ERBB4: variants seen among roughly 807,000 people sequenced by gnomAD.
ERBB4 encodes the protein receptor tyrosine-protein kinase erbB-4.
ERBB4 carries 42 observed loss-of-function variants against 158.0 expected under a neutral mutation model. That is an observed-to-expected ratio of 0.27 (90% CI 0.21 to 0.34). ERBB4 has a LOEUF of 0.34. Among genes scored for constraint, ERBB4 ranks in the 10% least tolerant of loss-of-function variants. ERBB4 has a pLI of 1.00. For synonymous variants in ERBB4, 583 were observed against 558.7 expected (o/e 1.04, Z -0.61); for missense variants, 1,333 against 1,624.1 (o/e 0.82, Z 3.08).
At chr2:212,148,853 A>G (rs1018317368) in intron 1 of ERBB4, among the ~76,000 whole-genome samples, 5 of 145,788 alleles carry the variant, frequency 3.4e-5, no homozygotes, top group African/African-American at 1.0e-4. Context: ...TGATGAGTTC[A>G]TGTCCTTTGT....
intron 2 of ERBB4, among the ~76,000 whole-genome samples, chr2:212,056,189 T>C (rs1188536138): frequency 6.6e-6 from 1 of 152,066 alleles, no homozygotes; most frequent in Non-Finnish European, 1.5e-5. Context: ...TGATTGAAGA[T>C]CAAATTAATG....
At chr2:211,438,129 C>G (rs897542960) in intron 20 of ERBB4, among the ~76,000 whole-genome samples, 1 of 152,168 alleles carries the variant, frequency 6.6e-6, no homozygotes, top group African/African-American at 2.4e-5. Flanking sequence ...ATATTGTTAA[C>G]TAGGTTTATG....
rs77629865 is a variant in ERBB4, at chr2:211,386,425, T to C, written c.3481+428A>G. Among the ~76,000 whole-genome samples, 1,266 of 152,330 alleles carry C rather than the reference T, an allele frequency of 8.3e-3. 17 individuals carry two copies. The highest frequency in any genetic ancestry group is 0.029 in the African/African-American group (1,209 of 41,580). On this transcript the variant is annotated intron_variant, in intron 27 of 27. Coordinates refer to ENST00000342788, the MANE Select transcript of ERBB4 (RefSeq NM_005235.3). ...TAAATGAGTCAAACAAATCTTTTAT[T>C]AGTGCCATCAAAAGCATCAGGCACT...
chr2:212,426,630 T>C (rs10202760), intron 1 of ERBB4, among the ~76,000 whole-genome samples: 18,159 of 152,070 alleles, frequency 0.12, 1,181 homozygotes, highest in African/African-American at 0.18. Flanking sequence ...CACTGATCTA[T>C]AAGGCATATA....
intron 4 of ERBB4, among the ~76,000 whole-genome samples, chr2:211,757,606 C>T (rs746141427): frequency 6.6e-5 from 10 of 152,142 alleles, no homozygotes; most frequent in East Asian, 1.9e-4. Flanking sequence ...GTGTCTGCAG[C>T]GCTTCCATCT....
chr2:211,580,018 T>TG (rs2068019320), intron 19 of ERBB4, among the ~76,000 whole-genome samples: 2 of 152,118 alleles, frequency 1.3e-5, no homozygotes, highest in Admixed American at 1.3e-4. Flanking sequence ...AATATCAAAC[T>TG]GGGGGACTAA....
chr2:211,529,395 C>T (rs946348957), intron 20 of ERBB4, among the ~76,000 whole-genome samples: 4 of 152,108 alleles, frequency 2.6e-5, no homozygotes, highest in Admixed American at 6.5e-5. Flanking sequence ...CAGGATCTGA[C>T]GGCTTCACTG....
chr2:211,407,468 T>C (rs767744376), intron 25 of ERBB4, among the ~76,000 whole-genome samples: 2 of 152,212 alleles, frequency 1.3e-5, no homozygotes, highest in Non-Finnish European at 2.9e-5. Flanking sequence ...TGAATGTTGC[T>C]AAACAATTGT....
intron 1 of ERBB4, among the ~76,000 whole-genome samples, chr2:212,297,852 A>T (rs1025875244): frequency 3.3e-5 from 5 of 151,770 alleles, no homozygotes; most frequent in Admixed American, 3.3e-4. Context: ...TTTTGACCAA[A>T]CTTCCTCAAA....
intron 20 of ERBB4, among the ~76,000 whole-genome samples, chr2:211,455,006 C>A (rs926347633): frequency 2.6e-5 from 4 of 152,218 alleles, no homozygotes; most frequent in African/African-American, 4.8e-5. Context: ...ATGAACCATT[C>A]TTTTGCTGAA....
At chr2:211,504,404 A>T (rs138839062) in intron 20 of ERBB4, among the ~76,000 whole-genome samples, 4 of 152,082 alleles carry the variant, frequency 2.6e-5, no homozygotes, top group Admixed American at 2.0e-4. Flanking sequence ...AAGCCAAAAG[A>T]CCCTACCCAA....
chr2:211,929,761 C>T (rs1032477269), intron 3 of ERBB4, among the ~76,000 whole-genome samples: 1 of 152,134 alleles, frequency 6.6e-6, no homozygotes, highest in Non-Finnish European at 1.5e-5. Flanking sequence ...ACACAATGTG[C>T]ATGGCTATGC....
intron 4 of ERBB4, chr2:211,778,623 C>A (rs538782282): frequency 2.0e-5 from 3 of 152,224 alleles, no homozygotes; most frequent in East Asian, 1.9e-4. Flanking sequence ...TAGTGGAAGC[C>A]GGCGCTGGAA....
At chr2:212,151,753 G>T (rs1004567711) in intron 1 of ERBB4, among the ~76,000 whole-genome samples, 1 of 152,076 alleles carries the variant, frequency 6.6e-6, no homozygotes, top group Non-Finnish European at 1.5e-5. Flanking sequence ...GCTGGGCATG[G>T]TGGCACATGC....
chr2:212,498,354 C>T (rs1296002461), intron 1 of ERBB4, among the ~76,000 whole-genome samples: 1 of 152,096 alleles, frequency 6.6e-6, no homozygotes, highest in Non-Finnish European at 1.5e-5. Context: ...CCCAACTTGA[C>T]TAATTTACCA....
intron 1 of ERBB4, among the ~76,000 whole-genome samples, chr2:212,308,519 A>G (rs2086899617): frequency 6.6e-6 from 1 of 151,056 alleles, no homozygotes; most frequent in East Asian, 1.9e-4. Flanking sequence ...TTAAAAGACC[A>G]GAATTTATTT....
chr2:211,807,226 G>C (rs2076639566), intron 3 of ERBB4, among the ~76,000 whole-genome samples: 1 of 151,990 alleles, frequency 6.6e-6, no homozygotes, highest in Non-Finnish European at 1.5e-5. Context: ...CATGTACCAT[G>C]TTGGTTTGCT....
Position 212,187,930 on chromosome 2 carries a change from G to T in ERBB4, c.83-63027C>A, listed in dbSNP as rs369753972. Among the ~76,000 whole-genome samples, 38 of 152,202 alleles carry T rather than the reference G, an allele frequency of 2.5e-4. No individual in the cohort carries two copies. In the South Asian group the frequency reaches 7.5e-3, roughly 30 times the overall value. On this transcript the variant is annotated intron_variant, in intron 1 of 27. Coordinates refer to ENST00000342788, the MANE Select transcript of ERBB4 (RefSeq NM_005235.3). ...CCACTCATTAAAGCCCAATTTTAAT[G>T]CGTTGACAGCTAACCTCGAGAAACA...
chr2:212,275,745 G>A (rs187176198), intron 1 of ERBB4, among the ~76,000 whole-genome samples: 117 of 151,772 alleles, frequency 7.7e-4, no homozygotes, highest in African/African-American at 2.3e-3. Flanking sequence ...AAAGACCATC[G>A]ACACTATAAA....
Sources: allele counts gnomAD v4.1 joint callset (sites outside exome capture counted in the v4.1 genomes callset), GRCh38; gene constraint gnomAD v4.1.1; transcripts MANE v1.5; gene names NCBI Gene and HGNC (gene_info 2026-07-23, HGNC 2026-07-21).